The following NHSL1 variants were observed in gnomAD, a reference collection of about 807,000 sequenced individuals.
NHSL1 encodes the protein NHS like 1.
In NHSL1, 48 loss-of-function variants were observed where a neutral mutation model predicts 95.0. That is an observed-to-expected ratio of 0.51 (90% CI 0.40 to 0.64). The LOEUF is 0.64. Among genes scored for constraint, NHSL1 ranks in the 30% least tolerant of loss-of-function variants. The pLI, the probability that NHSL1 is intolerant of heterozygous loss-of-function variation, is 0.00. For synonymous variants in NHSL1, 783 were observed against 833.9 expected (o/e 0.94, Z 1.05); for missense variants, 1,971 against 2,077.7 (o/e 0.95, Z 1.00).
chr6:138,597,055 G>A lies in NHSL1; in HGVS notation c.96+95421C>T, dbSNP rs531513559. 4.6e-5 allele frequency among the ~76,000 whole-genome samples: 7 copies of A among 152,248 alleles called. No homozygotes were observed. The South Asian group carries it at 1.2e-3, about 27-fold the overall frequency. On this transcript the variant is annotated intron_variant, in intron 1 of 3. Coordinates refer to the NHSL1 transcript ENST00000491526. The stretch of plus-strand genomic sequence containing the variant: ...GGATGTCTGTAATCCCAGATACTCA[G>A]GAGGCTGAGGCAGGAGAATCGCTTG...
At chr6:138,578,004 C>T (rs1019265275) in intron 1 of NHSL1, among the ~76,000 whole-genome samples, 13 of 152,148 alleles carry the variant, frequency 8.5e-5, no homozygotes, top group African/African-American at 3.1e-4. Context: ...AGGCAAAACG[C>T]AGCTAATTAC....
rs1775116585 is a variant in NHSL1 at position 138,424,396 on chromosome 6, C to T, written c.4506G>A (p.Thr1502=). ...FSGPRYGRSR[T]PPSAASSRYS... ...ACCTGCTGCTGGCGGCAGAAGGCGG[C>T]GTTCGGCTGCGGCCGTACCTGGGGC... is the stretch of plus-strand genomic sequence containing the variant. Residue 1502 remains threonine (T), a synonymous_variant, in exon 8 of 8, where the codon ACG becomes ACA. Transcript: ENST00000343505. The surrounding 1 kb of genome is among the most constrained non-coding windows in gnomAD (Gnocchi z 5.9). The T allele has an allele frequency of 6.5e-7, 1 of 1,549,694 alleles. No homozygotes were observed. Among genetic ancestry groups the T allele is most frequent in the Non-Finnish European group, 8.7e-7 (1 of 1,145,896 alleles).
chr6:138,428,720 A>G (rs1287241730), intron 7 of NHSL1, among the ~76,000 whole-genome samples: 1 of 152,228 alleles, frequency 6.6e-6, no homozygotes, highest in African/African-American at 2.4e-5. Context: ...AGAATTGGGA[A>G]AGCAGTGCTG....
intron 1 of NHSL1, among the ~76,000 whole-genome samples, chr6:138,606,702 C>CTTTTTTTTTTTTTTT (rs777156294): frequency 1.6e-5 from 2 of 123,414 alleles, no homozygotes; most frequent in Non-Finnish European, 3.3e-5. Context: ...TTCTTTCTTT[C>CTTTTTTTTTTTTTTT]TTTTTTTTTT....
intron 1 of NHSL1, among the ~76,000 whole-genome samples, chr6:138,609,539 A>T (rs1352021549): frequency 1.1e-4 from 16 of 152,224 alleles, no homozygotes; most frequent in Non-Finnish European, 7.4e-5. Flanking sequence ...TCACGAGGTC[A>T]AGAGCTCGAG....
intron 1 of NHSL1, among the ~76,000 whole-genome samples, chr6:138,671,253 T>C (rs540415773): frequency 5.9e-5 from 9 of 152,024 alleles, no homozygotes; most frequent in African/African-American, 2.2e-4. Context: ...GGTCAGGAGT[T>C]CGAGACCAGC....
At chr6:138,656,088 G>T (rs115312793) in intron 1 of NHSL1, among the ~76,000 whole-genome samples, 2,286 of 152,306 alleles carry the variant, frequency 0.015, 55 homozygotes, top group African/African-American at 0.052. Flanking sequence ...AGAAACCCAT[G>T]TGACAAAGAC....
intron 3 of NHSL1, among the ~76,000 whole-genome samples, chr6:138,450,765 CT>C (rs1450627832): frequency 6.6e-6 from 1 of 152,164 alleles, no homozygotes; most frequent in African/African-American, 2.4e-5. Context: ...ACTGTTAGGT[CT>C]CACAATCTAC....
intron 2 of NHSL1, among the ~76,000 whole-genome samples, chr6:138,479,412 T>C (rs1229177354): frequency 6.6e-6 from 1 of 152,060 alleles, no homozygotes; most frequent in Non-Finnish European, 1.5e-5. Flanking sequence ...AAAATAAGGG[T>C]GACTTGAATA....
intron 1 of NHSL1, among the ~76,000 whole-genome samples, chr6:138,566,764 A>G: frequency 6.6e-6 from 1 of 152,014 alleles, no homozygotes; most frequent in East Asian, 1.9e-4. Context: ...ACAGAGTCCC[A>G]ACTTCAGAAG....
intron 1 of NHSL1, among the ~76,000 whole-genome samples, chr6:138,566,369 G>C (rs1363734662): frequency 1.3e-5 from 2 of 151,890 alleles, no homozygotes; most frequent in African/African-American, 4.9e-5. Context: ...CTGCACTCCA[G>C]CCTGGGCGAC....
chr6:138,650,680 A>C (rs1229157114), intron 1 of NHSL1: 1 of 557,100 alleles, frequency 1.8e-6, no homozygotes, highest in African/African-American at 1.9e-5. Flanking sequence ...CAGCACATTG[A>C]GATGACATGC....
intron 1 of NHSL1, among the ~76,000 whole-genome samples, chr6:138,556,012 G>T (rs879695568): frequency 2.6e-5 from 4 of 151,872 alleles, no homozygotes; most frequent in Non-Finnish European, 4.4e-5. Flanking sequence ...GCCCTGACAC[G>T]TTAGTTAGCC....
intron 2 of NHSL1, among the ~76,000 whole-genome samples, chr6:138,491,256 C>T (rs146135502): frequency 6.6e-6 from 1 of 152,286 alleles, no homozygotes; most frequent in East Asian, 1.9e-4. Context: ...TACACAGAGA[C>T]AGTAACTAAA....
intron 2 of NHSL1, among the ~76,000 whole-genome samples, chr6:138,487,693 G>A (rs926356600): frequency 1.7e-4 from 26 of 152,176 alleles, no homozygotes; most frequent in Non-Finnish European, 2.9e-5. Flanking sequence ...AGCCAAGTAC[G>A]AAGATGGGAC....
At chr6:138,663,267 T>A (rs1387061094) in intron 1 of NHSL1, among the ~76,000 whole-genome samples, 2 of 152,028 alleles carry the variant, frequency 1.3e-5, no homozygotes, top group Non-Finnish European at 2.9e-5. Flanking sequence ...TCTGTGTATA[T>A]TAAAAATTCT....
intron 1 of NHSL1, among the ~76,000 whole-genome samples, chr6:138,542,440 T>C (rs1416752751): frequency 1.3e-5 from 2 of 152,220 alleles, no homozygotes; most frequent in African/African-American, 4.8e-5. Context: ...AGTAGGACAA[T>C]ACTTCACTAC....
intron 2 of NHSL1, among the ~76,000 whole-genome samples, chr6:138,474,610 T>C (rs898489062): frequency 1.3e-5 from 2 of 152,168 alleles, no homozygotes; most frequent in South Asian, 2.1e-4. Context: ...AAAAAATGCA[T>C]ATGTTAATCA....
intron 1 of NHSL1, among the ~76,000 whole-genome samples, chr6:138,610,441 AT>A (rs1458937402): frequency 6.6e-6 from 1 of 151,944 alleles, no homozygotes; most frequent in Non-Finnish European, 1.5e-5. Context: ...CCTAATGTAA[AT>A]GACGAGTTAA....
Sources: allele counts gnomAD v4.1 joint callset (sites outside exome capture counted in the v4.1 genomes callset), GRCh38; gene constraint gnomAD v4.1.1; non-coding constraint Gnocchi (gnomAD v3.1); transcripts MANE v1.5; gene names NCBI Gene and HGNC (gene_info 2026-07-23, HGNC 2026-07-21).